STAG3: variants seen among roughly 807,000 people sequenced by gnomAD.
STAG3 encodes cohesin subunit SA-3.
Under a neutral mutation model 160.7 loss-of-function variants are expected in STAG3, and 101 were observed. That is an observed-to-expected ratio of 0.63 (90% CI 0.54 to 0.74). The LOEUF is 0.74. STAG3 is among the 30% of genes least tolerant of loss of function. STAG3 has a pLI of 0.00. For missense variants in STAG3, 1,188 were observed against 1,517.4 expected, an observed-to-expected ratio of 0.78 and a Z score of 3.61; for synonymous variants, 519 against 585.0, an observed-to-expected ratio of 0.89 and a Z score of 1.63.
Position 100,213,773 on chromosome 7 carries a change from G to T in STAG3, c.3639G>T (p.Leu1213=). ...ACTCTTCCACCAGTGAGCGCGGGCTGGACCTCTTAGATTCTACAGAGCTGG... is the reference window on the plus strand; with the variant it reads ...ACTCTTCCACCAGTGAGCGCGGGCTTGACCTCTTAGATTCTACAGAGCTGG... The part of the protein sequence containing the change: ...SSYSSTSERG[L]DLLDSTELDI... The change falls in exon 33 of 34, where the codon CTG becomes CTT. Residue 1213 remains leucine (L), a synonymous_variant. Coordinates refer to ENST00000615138, the MANE Select transcript of STAG3 (RefSeq NM_001282717.2). 2 of 1,614,234 alleles carry T rather than the reference G, an allele frequency of 1.2e-6. No individual in the cohort carries two copies. Among genetic ancestry groups the T allele is most frequent in the Non-Finnish European group, 1.7e-6 (2 of 1,180,038 alleles).
chr7:100,194,819 A>G (rs536884222), intron 8 of STAG3, among the ~76,000 whole-genome samples: 1 of 152,286 alleles, frequency 6.6e-6, no homozygotes. Context: ...AACATTAAAG[A>G]TTACTGATCA....
At chr7:100,185,043 A>C (rs890826413) in intron 4 of STAG3, among the ~76,000 whole-genome samples, 32 of 151,724 alleles carry the variant, frequency 2.1e-4, no homozygotes, top group South Asian at 1.7e-3. Context: ...ACACTCCAGA[A>C]TCACTTTTTT....
In STAG3 at chr7:100,211,126, C is replaced by T. The variant is rs373006017; in HGVS notation, c.3354C>T (p.Pro1118=). ...CCACAGCTGTGAAGAGCAGGCAGCC[C>T]CTGTGGGGGTTGAAAGAGATGGAGG... The part of the protein sequence containing the change: ...LTSTAVKSRQ[P]LWGLKEMEEE... Residue 1118 remains proline (P), a synonymous_variant, in exon 30 of 34, where the codon CCC becomes CCT. Coordinates refer to ENST00000615138, the MANE Select transcript of STAG3 (RefSeq NM_001282717.2). 1.2e-6 allele frequency: 2 copies of T among 1,610,166 alleles called. No individual in the cohort carries two copies. The highest frequency in any genetic ancestry group is 2.7e-5 in the African/African-American group (2 of 74,854).
downstream of STAG3, among the ~76,000 whole-genome samples, chr7:100,218,029 T>G (rs1802918839): frequency 1.3e-5 from 2 of 149,886 alleles, no homozygotes; most frequent in South Asian, 4.4e-4. Flanking sequence ...GGAGTCTCCC[T>G]TTCCCGGTCT....
In STAG3 at chr7:100,204,923, G is replaced by C. The variant is rs1380368161; in HGVS notation, c.2952-82G>C. ...TGGAGACAAGCTGGGGACGGGGGGA[G>C]GGTGCATTTGGACAGGATAGCTCAG... On this transcript the variant is annotated intron_variant, in intron 27 of 33. Coordinates refer to ENST00000615138, the MANE Select transcript of STAG3 (RefSeq NM_001282717.2). 3.2e-6 allele frequency: 5 copies of C among 1,575,776 alleles called. No individual in the cohort carries two copies. In the African/African-American group the frequency reaches 4.1e-5, roughly 13 times the overall value.
At chr7:100,217,583 C>T (rs1251813778), downstream of STAG3, among the ~76,000 whole-genome samples, 4 of 152,176 alleles carry the variant, frequency 2.6e-5, no homozygotes, top group African/African-American at 4.8e-5. Context: ...CACCTAGACG[C>T]GGAGACCAGT....
Position 100,186,296 on chromosome 7 carries a change from G to T in STAG3, c.433G>T (p.Gly145Cys). ...NFFIQSCGCKGIVTPEMFKKM... is the reference protein window; with the variant it reads ...NFFIQSCGCKCIVTPEMFKKM... ...TTTCATCCAATCTTGCGGATGTAAA[G>T]GTGAGGAAACTGCTCCCCCTTTCTA... Residue 145 changes from glycine to cysteine, a missense_variant and splice_region_variant, in exon 5 of 34, where the codon GGC becomes TGC. Around this residue, in one of 4 missense-constraint regions of STAG3, gnomAD observed 296 missense variants for 404.0 expected, o/e 0.73. Transcript: ENST00000615138. The T allele has an allele frequency of 6.2e-7, 1 of 1,613,542 alleles. No homozygotes were observed. Among genetic ancestry groups the T allele is most frequent in the Non-Finnish European group, 8.5e-7 (1 of 1,179,468 alleles).
rs760130595 is a variant in STAG3, at chr7:100,211,036, C to A, written c.3264C>A (p.Asp1088Glu). The A allele has an allele frequency of 1.9e-6, 3 of 1,613,838 alleles. No homozygotes were observed. The highest frequency in any genetic ancestry group is 2.5e-6 in the Non-Finnish European group (3 of 1,179,942). ...GGCCTGCCAAGCCTAACAGAGAGGA[C>A]GTCTCCTCGTCCCAGGAAGAAAGTC... ...VEGPAKPNRE[D>E]VSSSQEESLQ... Residue 1088 changes from aspartate (D) to glutamate (E), a missense_variant, in exon 30 of 34, where the codon GAC (aspartate) becomes GAA (glutamate). Asp to Glu is a conservative substitution (Grantham distance 45). Around this residue, in one of 4 missense-constraint regions of STAG3, gnomAD observed 647 missense variants for 717.2 expected, o/e 0.90. Transcript: ENST00000615138.
intron 26 of STAG3, 43 bp downstream of exon 26, chr7:100,204,165 C>G: frequency 6.6e-7 from 1 of 1,504,070 alleles, no homozygotes; most frequent in Admixed American, 1.7e-5. Flanking sequence ...CTGTTGTCCC[C>G]AAGTCTCTGT....
Position 100,211,090 on chromosome 7 carries a change from C to T in STAG3, c.3318C>T (p.Pro1106=), listed in dbSNP as rs777968514. ...SLQLNSIPPT[P]TLTSTAVKSR... is the part of the protein sequence containing the mutation. ...AGCTGAACAGCATCCCGCCCACGCC[C>T]ACCCTCACCTCCACAGCTGTGAAGA... The change falls in exon 30 of 34, where the codon CCC becomes CCT. Residue 1106 remains proline (P), a synonymous_variant. Transcript: ENST00000615138. 3 of 1,613,618 alleles carry T rather than the reference C, an allele frequency of 1.9e-6. No individual in the cohort carries two copies. The South Asian group carries it at 3.3e-5, about 18-fold the overall frequency.
intron 4 of STAG3, among the ~76,000 whole-genome samples, chr7:100,185,279 C>G (rs1799920884): frequency 1.3e-5 from 2 of 152,126 alleles, no homozygotes; most frequent in South Asian, 4.1e-4. Flanking sequence ...CTGCTCCCAG[C>G]CTGAATCGCT....
intron 4 of STAG3, among the ~76,000 whole-genome samples, chr7:100,184,049 C>T (rs1159059144): frequency 1.1e-4 from 17 of 151,996 alleles, no homozygotes; most frequent in African/African-American, 3.6e-4. Context: ...GCAGATCACT[C>T]GAGGCCAGGA....
At chr7:100,189,064 C>T in intron 7 of STAG3, 48 bp downstream of exon 7, 1 of 1,595,280 alleles carries the variant, frequency 6.3e-7, no homozygotes, top group Non-Finnish European at 8.6e-7. Context: ...ATTTATAGGA[C>T]TTTCCTCTGT....
intron 5 of STAG3, among the ~76,000 whole-genome samples, chr7:100,187,761 T>G (rs1484688646): frequency 6.8e-6 from 1 of 146,732 alleles, no homozygotes; most frequent in East Asian, 2.0e-4. Context: ...TGCATCATCT[T>G]TTTTTTTTTT....
In STAG3 at chr7:100,188,486, C is replaced by T. The variant is rs1272980523; in HGVS notation, c.467C>T (p.Ser156Phe). 2 of 1,613,652 alleles carry T rather than the reference C, an allele frequency of 1.2e-6. No homozygotes were observed. The change falls in exon 6 of 34, where the codon TCC (serine) becomes TTC (phenylalanine). Residue 156 changes from serine to phenylalanine, a missense_variant. Transcript: ENST00000615138. ...ACCCCTGAGATGTTCAAGAAGATGT[C>T]CAACTCAGAGATCATCCAGCACCTA... Reference protein sequence around the residue: ...IVTPEMFKKMSNSEIIQHLTE... With the variant: ...IVTPEMFKKMFNSEIIQHLTE...
intron 29 of STAG3, among the ~76,000 whole-genome samples, chr7:100,208,272 TTTAA>T (rs1008421127): frequency 2.0e-5 from 3 of 152,226 alleles, no homozygotes; most frequent in Non-Finnish European, 2.9e-5. Context: ...GAAACTCTGC[TTTAA>T]TTAATTAACT....
chr7:100,186,355 C>A, intron 5 of STAG3, 59 bp downstream of exon 5: 3 of 1,448,752 alleles, frequency 2.1e-6, no homozygotes, highest in South Asian at 1.2e-5. Context: ...TTATGAAATT[C>A]TTTCTCCATT....
chr7:100,185,642 G>A (rs1799950130), intron 4 of STAG3, among the ~76,000 whole-genome samples: 2 of 151,400 alleles, frequency 1.3e-5, no homozygotes, highest in African/African-American at 4.9e-5. Context: ...AGATTATTCT[G>A]ATTATTCTGA....
intron 5 of STAG3, among the ~76,000 whole-genome samples, chr7:100,187,041 T>C (rs191604722): frequency 5.3e-5 from 8 of 149,796 alleles, no homozygotes; most frequent in Admixed American, 5.3e-4. Flanking sequence ...TTTTTTTTTG[T>C]TTTTTTTTGA....
Sources: allele counts gnomAD v4.1 joint callset (sites outside exome capture counted in the v4.1 genomes callset), GRCh38; gene constraint gnomAD v4.1.1; regional missense constraint gnomAD v4.1.1; transcripts MANE v1.5; gene names NCBI Gene and HGNC (gene_info 2026-07-23, HGNC 2026-07-21).